ATRNL1: variants seen among roughly 807,000 people sequenced by gnomAD.
The protein encoded by ATRNL1 is attractin-like protein 1.
A neutral mutation model predicts 182.7 loss-of-function variants in ATRNL1; 95 were observed. The observed-to-expected ratio is 0.52, with a 90% CI of 0.44 to 0.62. The LOEUF (loss-of-function observed/expected upper bound fraction) is 0.62. Ranked by LOEUF, ATRNL1 falls within the 20% of genes least tolerant of loss-of-function variation. The pLI is 0.00. For synonymous variants in ATRNL1, 576 were observed against 568.3 expected, an observed-to-expected ratio of 1.01 and a Z score of -0.19; for missense variants, 1,471 against 1,679.5, an observed-to-expected ratio of 0.88 and a Z score of 2.17.
chr10:115,398,935 A>ATTT (rs1844420544), intron 20 of ATRNL1, among the ~76,000 whole-genome samples: 1 of 152,010 alleles, frequency 6.6e-6, no homozygotes, highest in Non-Finnish European at 1.5e-5. Flanking sequence ...ATTTTATAGA[A>ATTT]ACCCCTTTCT....
At chr10:115,768,870 A>G (rs1555075655) in intron 27 of ATRNL1, among the ~76,000 whole-genome samples, 1 of 152,114 alleles carries the variant, frequency 6.6e-6, no homozygotes, top group African/African-American at 2.4e-5. Context: ...TTTCCACAAA[A>G]GACACTTCCT....
intron 5 of ATRNL1, among the ~76,000 whole-genome samples, chr10:115,133,570 GAGACTT>G (rs1554875778): frequency 6.6e-6 from 1 of 152,084 alleles, no homozygotes; most frequent in African/African-American, 2.4e-5. Flanking sequence ...GGCCCACAAA[GAGACTT>G]AGACTCCCAC....
At chr10:115,630,708 A>G (rs1379132053) in intron 26 of ATRNL1, among the ~76,000 whole-genome samples, 2 of 148,004 alleles carry the variant, frequency 1.4e-5, no homozygotes, top group African/African-American at 4.9e-5. Context: ...TTATATCCAT[A>G]TTGAATAGAT....
intron 17 of ATRNL1, among the ~76,000 whole-genome samples, chr10:115,310,703 CTT>C (rs1199461310): frequency 6.6e-6 from 1 of 152,058 alleles, no homozygotes; most frequent in Non-Finnish European, 1.5e-5. Context: ...TCTAATTAAA[CTT>C]ATTTGAATCC....
intron 28 of ATRNL1, among the ~76,000 whole-genome samples, chr10:115,907,376 G>A (rs1952536078): frequency 6.6e-6 from 1 of 152,170 alleles, no homozygotes. Flanking sequence ...TCAGTTAGTT[G>A]CAGGTGCTAT....
intron 26 of ATRNL1, among the ~76,000 whole-genome samples, chr10:115,622,846 G>C (rs1265606719): frequency 3.9e-5 from 6 of 151,974 alleles, no homozygotes; most frequent in African/African-American, 1.5e-4. Flanking sequence ...AGAATGGTAT[G>C]AACCCGGGAG....
intron 26 of ATRNL1, among the ~76,000 whole-genome samples, chr10:115,673,603 A>G (rs373903698): frequency 7.9e-5 from 12 of 152,104 alleles, no homozygotes; most frequent in East Asian, 5.8e-4. Flanking sequence ...ACTATATGCA[A>G]CCAAACACTA....
chr10:115,786,698 G>A (rs1949404779), intron 27 of ATRNL1, among the ~76,000 whole-genome samples: 1 of 151,972 alleles, frequency 6.6e-6, no homozygotes, highest in African/African-American at 2.4e-5. Flanking sequence ...ATTTTAAAGG[G>A]GACACTATTC....
intron 26 of ATRNL1, among the ~76,000 whole-genome samples, chr10:115,649,508 A>G (rs989753124): frequency 6.6e-6 from 1 of 152,124 alleles, no homozygotes. Flanking sequence ...AGAGCATTTG[A>G]GCCTTCTGTC....
At chr10:115,404,045 A>G (rs1554957640) in intron 20 of ATRNL1, among the ~76,000 whole-genome samples, 1 of 152,222 alleles carries the variant, frequency 6.6e-6, no homozygotes, top group Admixed American at 6.5e-5. Flanking sequence ...TCTACCCTTG[A>G]GGAATATGTT....
rs1555055206 is a variant in ATRNL1, at chr10:115,713,449, G to GTGTGTGTGTGTGTGTGTGTT, written c.3796-13782_3796-13781insGTTTGTGTGTGTGTGTGTGT. On this transcript the variant is annotated intron_variant, in intron 26 of 28. Coordinates refer to ENST00000355044, the MANE Select transcript of ATRNL1 (RefSeq NM_207303.4). ...CAAGGAAGAGGGAAAGTGGCTGTGT[G>GTGTGTGTGTGTGTGTGTGTT]TGTGTGTGTGTGTGTGTTTGTGTGT... Among the ~76,000 whole-genome samples, 863 of 137,684 alleles carry GTGTGTGTGTGTGTGTGTGTT rather than the reference G, an allele frequency of 6.3e-3. 4 individuals are homozygous for GTGTGTGTGTGTGTGTGTGTT. Among genetic ancestry groups the GTGTGTGTGTGTGTGTGTGTT allele is most frequent in the African/African-American group, 8.1e-3 (312 of 38,688 alleles). 90.3% of individuals were successfully genotyped at this position (137,684 alleles called of 152,430 possible). A position where few individuals can be genotyped will look rare whatever the true frequency, so the allele number is the denominator to read the frequency against.
chr10:115,528,980 C>A (rs557319179), intron 25 of ATRNL1, among the ~76,000 whole-genome samples: 2 of 152,150 alleles, frequency 1.3e-5, no homozygotes, highest in African/African-American at 4.8e-5. Flanking sequence ...GGTGAAGATA[C>A]TTTGCACATT....
intron 9 of ATRNL1, among the ~76,000 whole-genome samples, chr10:115,223,186 C>G (rs1387315133): frequency 1.3e-5 from 2 of 152,120 alleles, no homozygotes; most frequent in Admixed American, 6.6e-5. Context: ...GAGGCTGAGG[C>G]ACGAGAATCA....
intron 20 of ATRNL1, among the ~76,000 whole-genome samples, chr10:115,399,091 G>A (rs1444918433): frequency 3.3e-5 from 5 of 152,066 alleles, no homozygotes; most frequent in African/African-American, 9.7e-5. Flanking sequence ...TTGATATGCT[G>A]CTGAATTGTT....
At chr10:115,408,283 G>C (rs1844958696) in intron 20 of ATRNL1, among the ~76,000 whole-genome samples, 1 of 152,078 alleles carries the variant, frequency 6.6e-6, no homozygotes, top group African/African-American at 2.4e-5. Flanking sequence ...GATTACAGGC[G>C]TGAGCCACCG....
At chr10:115,532,251 C>T (rs1429890237) in intron 25 of ATRNL1, among the ~76,000 whole-genome samples, 1 of 152,168 alleles carries the variant, frequency 6.6e-6, no homozygotes, top group Non-Finnish European at 1.5e-5. Flanking sequence ...TTGATTCTTC[C>T]TACCCATGAG....
At chr10:115,452,229 A>G (rs967443857) in intron 21 of ATRNL1, among the ~76,000 whole-genome samples, 1 of 152,188 alleles carries the variant, frequency 6.6e-6, no homozygotes, top group African/African-American at 2.4e-5. Context: ...AAATCTTCAC[A>G]TATACTTCTG....
At chr10:115,561,690 G>GGGTGTGGATGTGTGT (rs1554999705) in intron 26 of ATRNL1, among the ~76,000 whole-genome samples, 28 of 50,506 alleles carry the variant, frequency 5.5e-4, no homozygotes, top group African/African-American at 1.8e-3. Flanking sequence ...TGTGTGTGTG[G>GGGTGTGGATGTGTGT]GTGTGTGTGT....
At chr10:115,161,327 T>G (rs1488512915) in intron 6 of ATRNL1, among the ~76,000 whole-genome samples, 1 of 151,984 alleles carries the variant, frequency 6.6e-6, no homozygotes, top group East Asian at 1.9e-4. Context: ...ATTAGAATTT[T>G]TTAACATGAA....
Sources: allele counts gnomAD v4.1 joint callset (sites outside exome capture counted in the v4.1 genomes callset), GRCh38; gene constraint gnomAD v4.1.1; transcripts MANE v1.5; gene names NCBI Gene and HGNC (gene_info 2026-07-23, HGNC 2026-07-21).